Variants in EPM2A observed in about 807,000 individuals in gnomAD.
EPM2A encodes the protein EPM2A glucan phosphatase, laforin.
EPM2A carries 21 observed loss-of-function variants against 26.5 expected under a neutral mutation model. That is an observed-to-expected ratio of 0.79 (90% CI 0.56 to 1.14). EPM2A has a LOEUF of 1.14. Among genes scored for constraint, EPM2A ranks in the 50% most tolerant of loss-of-function variants. The pLI, the probability that EPM2A is intolerant of heterozygous loss-of-function variation, is 0.00. For missense variants in EPM2A, 458 were observed against 440.8 expected (o/e 1.04, Z -0.35); for synonymous variants, 217 against 177.6 (o/e 1.22, Z -1.76).
At chr6:145,669,470 T>G (rs1179759178) in intron 2 of EPM2A, among the ~76,000 whole-genome samples, 34 of 152,204 alleles carry the variant, frequency 2.2e-4, no homozygotes, top group Non-Finnish European at 1.5e-5. Flanking sequence ...AATGGCAAAG[T>G]GACCATAATA....
chr6:145,481,587 T>C (rs1160972277), intron 4 of EPM2A, among the ~76,000 whole-genome samples: 1 of 152,024 alleles, frequency 6.6e-6, no homozygotes, highest in East Asian at 1.9e-4. Context: ...CCCAGTCAGG[T>C]CTTCAGATAA....
chr6:145,538,778 A>G (rs1462700174), intron 2 of EPM2A, among the ~76,000 whole-genome samples: 2 of 152,258 alleles, frequency 1.3e-5, no homozygotes, highest in Non-Finnish European at 2.9e-5. Context: ...AGCCATATAC[A>G]GTACTAAACT....
intron 4 of EPM2A, among the ~76,000 whole-genome samples, chr6:145,389,060 T>C (rs1470396285): frequency 1.3e-5 from 2 of 152,174 alleles, no homozygotes; most frequent in Non-Finnish European, 2.9e-5. Flanking sequence ...GTATTTCTAG[T>C]TCTAGATCCT....
At chr6:145,470,869 C>T (rs2114725052) in intron 4 of EPM2A, among the ~76,000 whole-genome samples, 1 of 152,232 alleles carries the variant, frequency 6.6e-6, no homozygotes, top group East Asian at 1.9e-4. Flanking sequence ...TAAACCACCC[C>T]AAACTCAATG....
At chr6:145,448,484 G>C (rs1305088711) in intron 4 of EPM2A, among the ~76,000 whole-genome samples, 4 of 152,140 alleles carry the variant, frequency 2.6e-5, no homozygotes, top group African/African-American at 9.6e-5. Context: ...GGATTTTTAA[G>C]CTTCCTTACC....
chr6:145,608,896 T>G (rs560439704), intron 2 of EPM2A, among the ~76,000 whole-genome samples: 1 of 152,146 alleles, frequency 6.6e-6, no homozygotes, highest in African/African-American at 2.4e-5. Context: ...GGCAACAAAT[T>G]ATATCAAAGA....
intron 2 of EPM2A, among the ~76,000 whole-genome samples, chr6:145,611,177 G>GA (rs559633485): frequency 8.1e-4 from 123 of 151,910 alleles, no homozygotes; most frequent in African/African-American, 2.8e-3. Context: ...GTAATTCCTA[G>GA]AAAAAAAATT....
intron 4 of EPM2A, among the ~76,000 whole-genome samples, chr6:145,471,267 T>C (rs1054630121): frequency 1.2e-4 from 18 of 152,180 alleles, no homozygotes; most frequent in Admixed American, 7.2e-4. Context: ...TCAGTTCTGG[T>C]AAATTATATT....
chr6:145,705,595 C>A, intron 1 of EPM2A: 1 of 456,076 alleles, frequency 2.2e-6, no homozygotes, highest in Non-Finnish European at 4.4e-6. Context: ...GTTTGATTAT[C>A]TCCCATGTTA....
At chr6:145,512,710 CAAAAAAAAAAA>C (rs58668403) in intron 2 of EPM2A, among the ~76,000 whole-genome samples, 4 of 22,542 alleles carry the variant, frequency 1.8e-4, no homozygotes, top group Non-Finnish European at 4.4e-4. Context: ...GACTCCATCT[CAAAAAAAAAAA>C]AAAAAAAAAA....
chr6:145,723,961 T>C (rs937696065), intron 1 of EPM2A, among the ~76,000 whole-genome samples: 1 of 152,056 alleles, frequency 6.6e-6, no homozygotes, highest in African/African-American at 2.4e-5. Context: ...TTTCTGAAAA[T>C]TGTAAGCCAG....
intron 4 of EPM2A, among the ~76,000 whole-genome samples, chr6:145,428,190 A>G (rs75981955): frequency 0.046 from 6,963 of 151,444 alleles, 209 homozygotes; most frequent in Non-Finnish European, 0.06. Flanking sequence ...CAAAATCATA[A>G]GACACATAAT....
chr6:145,407,738 AC>A (rs1349604162), intron 4 of EPM2A, among the ~76,000 whole-genome samples: 1 of 152,174 alleles, frequency 6.6e-6, no homozygotes, highest in African/African-American at 2.4e-5. Flanking sequence ...TAGAATATGA[AC>A]CTTTTATTCA....
At chr6:145,467,210 T>C (rs1407679397) in intron 4 of EPM2A, among the ~76,000 whole-genome samples, 1 of 152,174 alleles carries the variant, frequency 6.6e-6, no homozygotes, top group South Asian at 2.1e-4. Flanking sequence ...TAATTTTATA[T>C]TTCTGTACTT....
intron 2 of EPM2A, among the ~76,000 whole-genome samples, chr6:145,606,732 C>A (rs1031006572): frequency 3.3e-5 from 5 of 152,048 alleles, no homozygotes; most frequent in African/African-American, 9.7e-5. Flanking sequence ...CATGGAAGAG[C>A]AGAAATTTGG....
downstream of EPM2A, among the ~76,000 whole-genome samples, chr6:145,623,746 G>T (rs1331733718): frequency 1.3e-5 from 2 of 152,152 alleles, no homozygotes; most frequent in African/African-American, 2.4e-5. Context: ...CCAGAAACAG[G>T]GAGACCAAGT....
intron 2 of EPM2A, among the ~76,000 whole-genome samples, chr6:145,503,027 G>T (rs1231372299): frequency 6.6e-6 from 1 of 152,134 alleles, no homozygotes; most frequent in Non-Finnish European, 1.5e-5. Context: ...AATGTTTTTA[G>T]TGATGCTTCC....
chr6:145,453,565 T>C (rs1394466247), intron 4 of EPM2A, among the ~76,000 whole-genome samples: 1 of 152,180 alleles, frequency 6.6e-6, no homozygotes, highest in Non-Finnish European at 1.5e-5. Context: ...TGTTCCTTAA[T>C]TGTATTGCAG....
intron 4 of EPM2A, among the ~76,000 whole-genome samples, chr6:145,440,054 C>T (rs1041496122): frequency 6.6e-6 from 1 of 152,142 alleles, no homozygotes; most frequent in Non-Finnish European, 1.5e-5. Flanking sequence ...TAGCCCAGAA[C>T]CATTTATTGA....
Sources: gnomAD v4.1 joint callset for allele counts (sites outside exome capture counted in the v4.1 genomes callset) on GRCh38, gnomAD v4.1.1 for gene constraint, MANE v1.5 for transcripts, NCBI Gene and HGNC (gene_info 2026-07-23, HGNC 2026-07-21) for gene names.